TAF8: variants seen among roughly 807,000 people sequenced by gnomAD.
TAF8 encodes transcription initiation factor TFIID subunit 8.
A neutral mutation model predicts 36.5 loss-of-function variants in TAF8; 47 were observed. The ratio of observed to expected loss-of-function variants is 1.29; its 90% CI spans 1.02 to 1.64. The LOEUF (loss-of-function observed/expected upper bound fraction) is 1.64, where lower values mean the gene tolerates loss of function less well. TAF8 is among the 40% of genes most tolerant of loss of function. The probability of loss-of-function intolerance (pLI) is 0.00; values close to 1 mark genes in which losing one functional copy is unlikely to be tolerated. For synonymous variants in TAF8, 175 were observed against 159.5 expected (o/e 1.10, Z -0.73); for missense variants, 420 against 407.6 (o/e 1.03, Z -0.26).
rs992895767 is a variant in TAF8 at position 42,080,216 on chromosome 6, G to A, written c.*2671G>A. ...GCTGTTCTCACTGCTCTTGGGAGGTGTTGTCCCAGTCAGTGTTTCTGCAGC... is the reference window on the plus strand; with the variant it reads ...GCTGTTCTCACTGCTCTTGGGAGGTATTGTCCCAGTCAGTGTTTCTGCAGC... On this transcript the variant is annotated 3_prime_UTR_variant, in exon 9 of 9. Coordinates refer to ENST00000372977, the MANE Select transcript of TAF8 (RefSeq NM_138572.3). The A allele has an allele frequency of 2.7e-5, 27 of 985,426 alleles. No individual in the cohort carries two copies. The highest frequency in any genetic ancestry group is 3.1e-5 in the Non-Finnish European group (26 of 830,040). 61.0% of individuals were successfully genotyped at this position (985,426 alleles called of 1,614,324 possible).
chr6:42,076,525 G>A (rs1040230533), intron 7 of TAF8, among the ~76,000 whole-genome samples: 3 of 152,202 alleles, frequency 2.0e-5, no homozygotes, highest in African/African-American at 7.2e-5. Flanking sequence ...GCTGGTACCT[G>A]CTGGCTCTGC....
chr6:42,086,714 C>G (rs1240725796), downstream of TAF8: 2 of 1,551,096 alleles, frequency 1.3e-6, no homozygotes, highest in Non-Finnish European at 1.7e-6. Context: ...CCCTACGTTC[C>G]TCAGGCCAGA....
At position 42,079,339 on chromosome 6, in the gene TAF8, T is replaced by G. The variant is rs1765852400; in HGVS notation, c.*1794T>G. 1 of 985,276 alleles carries G rather than the reference T, an allele frequency of 1.0e-6. No homozygotes were observed. Among genetic ancestry groups the G allele is most frequent in the Non-Finnish European group, 1.2e-6 (1 of 829,942 alleles). The allele number at this position is 985,276 out of a possible 1,614,324, so 61.0% of individuals were successfully genotyped here. ...ATTTGTATCCTGTGGGGAGAACAAC[T>G]TCATTCTTAACATACCCTACAAACC... On this transcript the variant is annotated 3_prime_UTR_variant, in exon 9 of 9. Coordinates refer to ENST00000372977, the MANE Select transcript of TAF8 (RefSeq NM_138572.3).
chr6:42,061,019 C>T (rs1333170691), intron 5 of TAF8, among the ~76,000 whole-genome samples: 8 of 152,268 alleles, frequency 5.3e-5, no homozygotes, highest in East Asian at 3.9e-4. Context: ...ATTAGCTCTC[C>T]GTGAGAGTCC....
downstream of TAF8, chr6:42,087,387 T>G (rs559278016): frequency 3.2e-4 from 43 of 132,944 alleles, no homozygotes; most frequent in African/African-American, 1.0e-3. Context: ...ATTTAAGTAC[T>G]TTATATTAAC....
In TAF8 at chr6:42,079,793, A is replaced by G. The variant is rs931306080; in HGVS notation, c.*2248A>G. The G allele has an allele frequency of 1.1e-6, 1 of 941,972 alleles. No individual in the cohort carries two copies. The highest frequency in any genetic ancestry group is 1.8e-5 in the African/African-American group (1 of 55,530). The allele number at this position is 941,972 out of a possible 1,614,324, so 58.4% of individuals were successfully genotyped here. On this transcript the variant is annotated 3_prime_UTR_variant, in exon 9 of 9. Transcript: ENST00000372977. ...GGTCTTGAACTCCTGGCCTCAAGTG[A>G]TCCACCCGCCTTGGCCTTCCAAAGT...
intron 7 of TAF8, among the ~76,000 whole-genome samples, chr6:42,075,221 G>A (rs1765702355): frequency 1.3e-5 from 2 of 152,154 alleles, no homozygotes; most frequent in Admixed American, 1.3e-4. Context: ...ACCCAAGGGA[G>A]GTCTGGTTGT....
intron 2 of TAF8, among the ~76,000 whole-genome samples, chr6:42,054,392 A>G (rs1306450191): frequency 6.6e-6 from 1 of 152,224 alleles, no homozygotes; most frequent in Non-Finnish European, 1.5e-5. Flanking sequence ...TATTAAGTAC[A>G]TTCACAATGT....
rs1430579599 is a variant in TAF8 at position 42,080,351 on chromosome 6, C to CTA, written c.*2809_*2810dup. On this transcript the variant is annotated 3_prime_UTR_variant, in exon 9 of 9. Coordinates refer to ENST00000372977, the MANE Select transcript of TAF8 (RefSeq NM_138572.3). ...ATTTCTGCTGTTGAGATTTCAGAGG[C>CTA]TATACTCTTTTTTTTTCTTTTCTTT... The CTA allele has an allele frequency of 1.0e-6, 1 of 988,688 alleles. No individual in the cohort carries two copies. The highest frequency in any genetic ancestry group is 1.2e-6 in the Non-Finnish European group (1 of 834,068). 61.2% of individuals were successfully genotyped at this position (988,688 alleles called of 1,614,324 possible).
At chr6:42,085,483 T>C (rs1766012918), downstream of TAF8, among the ~76,000 whole-genome samples, 1 of 152,110 alleles carries the variant, frequency 6.6e-6, no homozygotes, top group South Asian at 2.1e-4. Context: ...GGTGGGGCCT[T>C]TGAGGAGGTA....
chr6:42,056,389 T>A (rs772476418), intron 4 of TAF8: 2 of 234,860 alleles, frequency 8.5e-6, no homozygotes, highest in Non-Finnish European at 1.7e-5. Context: ...AATGCAGCCA[T>A]ATTTACTTAT....
In TAF8 at chr6:42,051,168, T is replaced by G. The variant is rs182612449; in HGVS notation, c.46-189T>G. 194 of 1,306,630 alleles carry G rather than the reference T, an allele frequency of 1.5e-4. 1 individual carries two copies. The East Asian group carries it at 4.0e-3, about 27-fold the overall frequency. The allele number at this position is 1,306,630 out of a possible 1,614,324, so 80.9% of individuals were successfully genotyped here. ...ACGTTTTAGGTAAGCGGAGAAGTGG[T>G]CTCTGTATTTAAAGCACCTTGGGTG... On this transcript the variant is annotated intron_variant, in intron 1 of 8. Coordinates refer to ENST00000372977, the MANE Select transcript of TAF8 (RefSeq NM_138572.3).
downstream of TAF8, among the ~76,000 whole-genome samples, chr6:42,084,214 G>T (rs1322596898): frequency 3.3e-5 from 5 of 150,054 alleles, no homozygotes; most frequent in Non-Finnish European, 7.4e-5. Flanking sequence ...TGGACCCTAA[G>T]GGCCTCGTTA....
chr6:42,065,157 C>G (rs1407890887), intron 5 of TAF8, among the ~76,000 whole-genome samples: 3 of 151,754 alleles, frequency 2.0e-5, no homozygotes, highest in African/African-American at 7.3e-5. Context: ...ACCAGCCTGG[C>G]CAACATGATG....
chr6:42,055,936 T>C lies in TAF8; in HGVS notation c.302-16T>C. 6.3e-7 allele frequency: 1 copy of C among 1,598,384 alleles called. No homozygotes were observed. The highest frequency in any genetic ancestry group is 1.7e-4 in the Middle Eastern group (1 of 6,032). On this transcript the variant is annotated splice_polypyrimidine_tract_variant and intron_variant, in intron 3 of 8. Coordinates refer to ENST00000372977, the MANE Select transcript of TAF8 (RefSeq NM_138572.3). ...CCAGTGGTCTGGGCAGTGATTTTTG[T>C]TTTCCTGTCTCTTAGGTTTCAATGT...
chr6:42,062,931 C>G (rs1765237325), intron 5 of TAF8, among the ~76,000 whole-genome samples: 1 of 152,154 alleles, frequency 6.6e-6, no homozygotes, highest in Non-Finnish European at 1.5e-5. Flanking sequence ...ACATGGCATT[C>G]TCTATCTCTG....
At chr6:42,067,225 G>A (rs1056387877) in intron 6 of TAF8, among the ~76,000 whole-genome samples, 3 of 152,148 alleles carry the variant, frequency 2.0e-5, no homozygotes, top group African/African-American at 7.2e-5. Context: ...TGGAGTTTTT[G>A]TGGGTTTTTT....
chr6:42,065,602 G>A (rs764185132), intron 5 of TAF8, among the ~76,000 whole-genome samples: 1 of 152,102 alleles, frequency 6.6e-6, no homozygotes, highest in Non-Finnish European at 1.5e-5. Flanking sequence ...AGTCCACATA[G>A]GCAGCCACTC....
chr6:42,069,984 G>A (rs1389248562), intron 7 of TAF8, among the ~76,000 whole-genome samples: 1 of 152,174 alleles, frequency 6.6e-6, no homozygotes, highest in Non-Finnish European at 1.5e-5. Flanking sequence ...TGGCTCCAAT[G>A]GTAGGAGGAC....
Sources: allele counts gnomAD v4.1 joint callset (sites outside exome capture counted in the v4.1 genomes callset), GRCh38; gene constraint gnomAD v4.1.1; transcripts MANE v1.5; gene names NCBI Gene and HGNC (gene_info 2026-07-23, HGNC 2026-07-21).